COA7: variants seen among roughly 807,000 people sequenced by gnomAD.
COA7 encodes the protein cytochrome c oxidase assembly factor 7, also known as Sel1 repeat containing 1.
A neutral mutation model predicts 21.0 loss-of-function variants in COA7; 12 were observed. The observed-to-expected ratio is 0.57, with a 90% CI of 0.37 to 0.92. The LOEUF is 0.92. Ranked by LOEUF, COA7 falls within the 40% of genes least tolerant of loss-of-function variation. The pLI is 0.01. For synonymous variants in COA7, 95 were observed against 107.4 expected (o/e 0.88, Z 0.72); for missense variants, 240 against 286.1 (o/e 0.84, Z 1.16).
At chr1:52,693,666 C>G (rs149508829) in intron 1 of COA7, among the ~76,000 whole-genome samples, 4 of 151,150 alleles carry the variant, frequency 2.6e-5, no homozygotes, top group African/African-American at 9.7e-5. Flanking sequence ...CTATAGCTTA[C>G]TCCTCAGCCA....
intron 1 of COA7, among the ~76,000 whole-genome samples, chr1:52,693,619 A>G (rs896764831): frequency 2.7e-4 from 41 of 150,892 alleles, no homozygotes; most frequent in African/African-American, 5.9e-4. Context: ...AAAAAAAAAA[A>G]AAAGAAAGAA....
intron 1 of COA7, 76 bp downstream of exon 1, chr1:52,698,145 C>G (rs145046487): frequency 2.8e-6 from 3 of 1,055,872 alleles, no homozygotes; most frequent in Admixed American, 1.8e-5. Flanking sequence ...TCTCCAGCCT[C>G]TCAGAGGTCG....
chr1:52,689,157 A>ATT (rs1331298320), intron 2 of COA7, among the ~76,000 whole-genome samples: 2 of 151,210 alleles, frequency 1.3e-5, no homozygotes, highest in Admixed American at 6.6e-5. Flanking sequence ...TATTATTATT[A>ATT]TTATTTTTTT....
chr1:52,688,242 GA>G, intron 2 of COA7, 74 bp from the exon 3 acceptor site: 1 of 1,198,040 alleles, frequency 8.3e-7, no homozygotes, highest in Non-Finnish European at 1.1e-6. Flanking sequence ...CAAAGTCAGT[GA>G]ATTTTTTTTT....
chr1:52,688,981 AACAAT>A (rs1644025491), intron 2 of COA7, among the ~76,000 whole-genome samples: 1 of 152,024 alleles, frequency 6.6e-6, no homozygotes. Context: ...GGGAAAAAAT[AACAAT>A]ACAATTAAAA....
At chr1:52,689,625 C>CA (rs1274507607) in intron 2 of COA7, among the ~76,000 whole-genome samples, 5 of 151,918 alleles carry the variant, frequency 3.3e-5, no homozygotes, top group African/African-American at 7.2e-5. Flanking sequence ...CGTGGTGACT[C>CA]ACGCCTGTAA....
chr1:52,693,541 G>A (rs1177755011), intron 1 of COA7, among the ~76,000 whole-genome samples: 1 of 151,646 alleles, frequency 6.6e-6, no homozygotes, highest in Non-Finnish European at 1.5e-5. Flanking sequence ...AGGGGGCGGA[G>A]GTTGCGGCGG....
chr1:52,689,805 C>G (rs1215937593), intron 2 of COA7, among the ~76,000 whole-genome samples: 2 of 151,786 alleles, frequency 1.3e-5, no homozygotes, highest in Non-Finnish European at 2.9e-5. Context: ...GCGGGTGGAT[C>G]ACGAGGTCAG....
Position 52,687,973 on chromosome 1 carries a change from G to A in COA7, c.443C>T (p.Ser148Phe), listed in dbSNP as rs1364588878. The change falls in exon 3 of 3, where the codon TCC (serine) becomes TTC (phenylalanine). Residue 148 changes from serine (S) to phenylalanine (F), a missense_variant. Coordinates refer to ENST00000371538, the MANE Select transcript of COA7 (RefSeq NM_023077.3). ...CATGGCACTGAGGTTGAAGCAACTG[G>A]AAGTATAGCCACCATCACAGGCCCT... is the stretch of plus-strand genomic sequence containing the variant. ...YTRACDGGYT[S>F]SCFNLSAMFL... 4 of 1,614,182 alleles carry A rather than the reference G, an allele frequency of 2.5e-6. No homozygotes were observed. In the South Asian group the frequency reaches 4.4e-5, roughly 18 times the overall value.
rs146644647 is a variant in COA7, at chr1:52,684,488, G to A, written c.*3232C>T. On this transcript the variant is annotated 3_prime_UTR_variant, in exon 3 of 3. Coordinates refer to ENST00000371538, the MANE Select transcript of COA7 (RefSeq NM_023077.3). ...GACTTTATATTTTAGAGCAATTTTAGGTTTACAGCAAAATTGAGAGGGTAC... is the reference window on the plus strand; with the variant it reads ...GACTTTATATTTTAGAGCAATTTTAAGTTTACAGCAAAATTGAGAGGGTAC... 6.6e-6 allele frequency: 1 copy of A among 152,082 alleles called. No homozygotes were observed. The highest frequency in any genetic ancestry group is 1.5e-5 in the Non-Finnish European group (1 of 68,034). The allele number at this position is 152,082 out of a possible 1,614,324, so 9.4% of individuals were successfully genotyped here.
At chr1:52,694,528 C>T (rs1644070718) in intron 1 of COA7, among the ~76,000 whole-genome samples, 1 of 149,912 alleles carries the variant, frequency 6.7e-6, no homozygotes, top group South Asian at 2.1e-4. Context: ...CAAAACTGCA[C>T]TTGTACCCCT....
At chr1:52,693,819 A>G (rs1571719240) in intron 1 of COA7, among the ~76,000 whole-genome samples, 1 of 152,108 alleles carries the variant, frequency 6.6e-6, no homozygotes, top group Non-Finnish European at 1.5e-5. Context: ...CAGTGACAAC[A>G]TATATCTCTC....
chr1:52,688,136 T>C lies in COA7; in HGVS notation c.280A>G (p.Arg94Gly). 6.2e-7 allele frequency: 1 copy of C among 1,612,736 alleles called. No individual in the cohort carries two copies. Among genetic ancestry groups the C allele is most frequent in the South Asian group, 1.1e-5 (1 of 91,082 alleles). ...TTCTCACACGCCATCAAAAAGCACC[T>C]GGCGGCAGCTTTCAGGTCCTGGGTC... is the stretch of plus-strand genomic sequence containing the variant. Reference protein sequence around the residue: ...GLTQDLKAAARCFLMACEKPG... With the variant: ...GLTQDLKAAAGCFLMACEKPG... Residue 94 changes from arginine (R) to glycine (G), a missense_variant, in exon 3 of 3, where the codon AGG becomes GGG. By Grantham distance (125) the Arg-to-Gly change is moderately radical (BLOSUM62 -2). Transcript: ENST00000371538.
At chr1:52,691,696 G>C (rs1644048250) in intron 2 of COA7, among the ~76,000 whole-genome samples, 1 of 151,854 alleles carries the variant, frequency 6.6e-6, no homozygotes, top group Non-Finnish European at 1.5e-5. Context: ...GGCTGGTCTT[G>C]AACTCCTGAC....
chr1:52,690,965 G>A (rs1207014142), intron 2 of COA7, among the ~76,000 whole-genome samples: 1 of 152,028 alleles, frequency 6.6e-6, no homozygotes, highest in Non-Finnish European at 1.5e-5. Flanking sequence ...AAATTAGCTG[G>A]GTGGTAGTGG....
intron 2 of COA7, among the ~76,000 whole-genome samples, chr1:52,689,843 GTGAAACC>G (rs1313141813): frequency 6.6e-6 from 1 of 151,996 alleles, no homozygotes; most frequent in Non-Finnish European, 1.5e-5. Flanking sequence ...GGCCAACATG[GTGAAACC>G]CCATCTCTAC....
intron 2 of COA7, among the ~76,000 whole-genome samples, chr1:52,692,433 C>T (rs1460908453): frequency 6.6e-6 from 1 of 152,216 alleles, no homozygotes; most frequent in East Asian, 1.9e-4. Flanking sequence ...ATCCTCACCA[C>T]CCTACAAAGC....
At chr1:52,696,571 T>C (rs1330273147) in intron 1 of COA7, among the ~76,000 whole-genome samples, 1 of 152,194 alleles carries the variant, frequency 6.6e-6, no homozygotes, top group African/African-American at 2.4e-5. Context: ...ATGTTACGGA[T>C]TAGCCTCAAG....
intron 2 of COA7, 38 bp downstream of exon 2, chr1:52,692,689 T>A: frequency 6.2e-7 from 1 of 1,612,862 alleles, no homozygotes; most frequent in Non-Finnish European, 8.5e-7. Context: ...CCAGCACTGC[T>A]ATCAATGACA....
Sources: allele counts gnomAD v4.1 joint callset (sites outside exome capture counted in the v4.1 genomes callset), GRCh38; gene constraint gnomAD v4.1.1; transcripts MANE v1.5; gene names NCBI Gene and HGNC (gene_info 2026-07-23, HGNC 2026-07-21).